Variants in MBD6 observed in about 807,000 individuals in gnomAD.
MBD6 encodes the protein methyl-CpG-binding domain protein 6.
A neutral mutation model predicts 66.8 loss-of-function variants in MBD6; 22 were observed. The ratio of observed to expected loss-of-function variants is 0.33; its 90% CI spans 0.24 to 0.47. The LOEUF (loss-of-function observed/expected upper bound fraction) is 0.47. Among genes scored for constraint, MBD6 ranks in the 20% least tolerant of loss-of-function variants. MBD6 has a pLI of 1.00. For synonymous variants in MBD6, 540 were observed against 534.6 expected (o/e 1.01, Z -0.14); for missense variants, 1,322 against 1,286.9 (o/e 1.03, Z -0.42).
Position 57,524,767 on chromosome 12 carries a change from TC to T in MBD6, c.163del (p.Leu55SerfsTer28), listed in dbSNP as rs1878735112. ...TCCTTGGAGCAAACCCGGAGCTACC[TC>T]CTCAGCGATGGGACCTGCAAGTGCG... is the stretch of plus-strand genomic sequence containing the variant. ...LSSLEQTRSY[L>X]LSDGTCKCGL... On this transcript the variant is annotated frameshift_variant, in exon 4 of 13. Coordinates refer to ENST00000355673, the MANE Select transcript of MBD6 (RefSeq NM_052897.4). LOFTEE classifies it high-confidence loss of function. The T allele has an allele frequency of 6.2e-7, 1 of 1,614,108 alleles. No homozygotes were observed. The highest frequency in any genetic ancestry group is 8.5e-7 in the Non-Finnish European group (1 of 1,180,050).
Position 57,529,210 on chromosome 12 carries a change from CAA to C in MBD6, c.2989_2990del (p.Lys997GlufsTer60). 6.2e-7 allele frequency: 1 copy of C among 1,614,140 alleles called. No individual in the cohort carries two copies. Among genetic ancestry groups the C allele is most frequent in the Non-Finnish European group, 8.5e-7 (1 of 1,180,012 alleles). ...RARPGRPAKN[K>X]RRKLAP ...CCCGCCCTGGCCGTCCTGCCAAAAA[CAA>C]GAGGAGGAAACTGGCCCCATAGCAG... On this transcript the variant is annotated frameshift_variant, in exon 13 of 13. Coordinates refer to ENST00000355673, the MANE Select transcript of MBD6 (RefSeq NM_052897.4). LOFTEE classifies it high-confidence loss of function.
At chr12:57,522,818 G>A (rs1373313522), upstream of MBD6, 1 of 153,810 alleles carries the variant, frequency 6.5e-6, no homozygotes, top group African/African-American at 2.4e-5. Flanking sequence ...GAATCCCCAG[G>A]GCTGCCCCTG....
At position 57,524,788 on chromosome 12, in the gene MBD6, A is replaced by G; in HGVS notation, c.182A>G (p.Lys61Arg). Residue 61 changes from lysine to arginine, a missense_variant, in exon 4 of 13, where the codon AAG (lysine) becomes AGG (arginine). Coordinates refer to ENST00000355673, the MANE Select transcript of MBD6 (RefSeq NM_052897.4). Reference sequence around the variant, plus strand: ...TACCTCCTCAGCGATGGGACCTGCAAGTGCGGTCTGGAGTGTCCACTTAAT... The same window carrying G: ...TACCTCCTCAGCGATGGGACCTGCAGGTGCGGTCTGGAGTGTCCACTTAAT... The part of the protein sequence containing the change: ...RSYLLSDGTC[K>R]CGLECPLNVP... 1 of 1,614,238 alleles carries G rather than the reference A, an allele frequency of 6.2e-7. No homozygotes were observed. Among genetic ancestry groups the G allele is most frequent in the Non-Finnish European group, 8.5e-7 (1 of 1,180,034 alleles).
rs1594853908 is a variant in MBD6, at chr12:57,524,051, C to T, written c.-66C>T. 1.5e-5 allele frequency: 5 copies of T among 323,776 alleles called. No homozygotes were observed. In the East Asian group the frequency reaches 2.5e-4, roughly 16 times the overall value. The allele number at this position is 323,776 out of a possible 1,614,324, so 20.1% of individuals were successfully genotyped here. A position where few individuals can be genotyped will look rare whatever the true frequency, so the allele number is the denominator to read the frequency against. ...CAGGTGTGGGCTAAGCTGGTGGCCCCGGCTTTAGACTGGACCCCACAATGT... is the reference window on the plus strand; with the variant it reads ...CAGGTGTGGGCTAAGCTGGTGGCCCTGGCTTTAGACTGGACCCCACAATGT... On this transcript the variant is annotated 5_prime_UTR_variant, in exon 2 of 13. Transcript: ENST00000355673.
In MBD6 at chr12:57,527,934, C is replaced by T. The variant is rs1879144417; in HGVS notation, c.2323C>T (p.Leu775=). The change falls in exon 9 of 13, where the codon CTG becomes TTG. Residue 775 remains leucine, a synonymous_variant. Coordinates refer to ENST00000355673, the MANE Select transcript of MBD6 (RefSeq NM_052897.4). ...CCCTCTTCTCTCTGGCCAGTTGGGG[C>T]TGCAGCTCCTCCCTGGGGGGGGAGC... ...PGPLLSGQLG[L]QLLPGGGAPP... is the part of the protein sequence containing the mutation. The T allele has an allele frequency of 1.2e-6, 2 of 1,607,542 alleles. No homozygotes were observed. The highest frequency in any genetic ancestry group is 1.3e-5 in the African/African-American group (1 of 74,484).
chr12:57,529,005 C>T lies in MBD6; in HGVS notation c.2933C>T (p.Ala978Val). The change falls in exon 12 of 13, where the codon GCC becomes GTC. Residue 978 changes from alanine to valine, a missense_variant. Transcript: ENST00000355673. ...ATTACCTTGGAACCCAGCCCTACAG[C>T]CCGAGTAAGTGTGTGTTTGGGTGGA... is the stretch of plus-strand genomic sequence containing the variant. ...QDITLEPSPTARAAVPLPPRA... is the reference protein window; with the variant it reads ...QDITLEPSPTVRAAVPLPPRA... The T allele has an allele frequency of 1.2e-6, 2 of 1,613,974 alleles. No homozygotes were observed. Among genetic ancestry groups the T allele is most frequent in the African/African-American group, 2.7e-5 (2 of 74,964 alleles).
At position 57,525,611 on chromosome 12, in the gene MBD6, C is replaced by G. The variant is rs770028929; in HGVS notation, c.643C>G (p.Pro215Ala). The G allele has an allele frequency of 6.2e-7, 1 of 1,613,206 alleles. No homozygotes were observed. Among genetic ancestry groups the G allele is most frequent in the African/African-American group, 1.3e-5 (1 of 74,836 alleles). The part of the protein sequence containing the change: ...PRGNAPSPAP[P>A]PPPAISLNAP... ...GGGCAATGCCCCCTCTCCAGCCCCA[C>G]CTCCTCCACCTGCTATCAGCCTCAA... Residue 215 changes from proline (P) to alanine (A), a missense_variant, in exon 6 of 13, where the codon CCT becomes GCT. Coordinates refer to ENST00000355673, the MANE Select transcript of MBD6 (RefSeq NM_052897.4).
Position 57,528,264 on chromosome 12 carries a change from G to C in MBD6, c.2524G>C (p.Asp842His), listed in dbSNP as rs751679624. 1 of 1,604,628 alleles carries C rather than the reference G, an allele frequency of 6.2e-7. No homozygotes were observed. Among genetic ancestry groups the C allele is most frequent in the East Asian group, 2.2e-5 (1 of 44,824 alleles). The change falls in exon 10 of 13, where the codon GAC (aspartate) becomes CAC (histidine). Residue 842 changes from aspartate to histidine, a missense_variant. Coordinates refer to ENST00000355673, the MANE Select transcript of MBD6 (RefSeq NM_052897.4). ...SALAPPHGSP[D>H]PPVPELLTGR... ...CTTAGCCCCACCCCATGGTTCTCCC[G>C]ACCCCCCAGTCCCTGAGCTGCTCAC...
chr12:57,524,008 ATC>A lies in MBD6; in HGVS notation c.-88-15_-88-14del. 4.0e-6 allele frequency: 1 copy of A among 248,352 alleles called. No individual in the cohort carries two copies. Among genetic ancestry groups the A allele is most frequent in the Non-Finnish European group, 7.7e-6 (1 of 129,312 alleles). 15.4% of individuals were successfully genotyped at this position (248,352 alleles called of 1,614,324 possible). On this transcript the variant is annotated intron_variant, in intron 1 of 12. Coordinates refer to ENST00000355673, the MANE Select transcript of MBD6 (RefSeq NM_052897.4). Reference sequence around the variant, plus strand: ...AGTTGGGCAGACTCCTGACAGTCCCATCTCTCTACTTGCGTTGCAGGTGTGGG... The same window carrying A: ...AGTTGGGCAGACTCCTGACAGTCCCATCTCTACTTGCGTTGCAGGTGTGGG...
rs1878826242 is a variant in MBD6 at position 57,525,508 on chromosome 12, C to T, written c.540C>T (p.Gly180=). 6.4e-7 allele frequency: 1 copy of T among 1,565,404 alleles called. No individual in the cohort carries two copies. Among genetic ancestry groups the T allele is most frequent in the African/African-American group, 1.4e-5 (1 of 73,204 alleles). Residue 180 remains glycine, a synonymous_variant, in exon 6 of 13, where the codon GGC becomes GGT. Coordinates refer to ENST00000355673, the MANE Select transcript of MBD6 (RefSeq NM_052897.4). Reference sequence around the variant, plus strand: ...CCCAGGCCTTTCCCACTCTAGCAGGCCCTGGGGGGCTTTTCCCCCCAAGGC... The same window carrying T: ...CCCAGGCCTTTCCCACTCTAGCAGGTCCTGGGGGGCTTTTCCCCCCAAGGC... ...SVSQAFPTLA[G]PGGLFPPRLA...
rs771245689 is a variant in MBD6 at position 57,525,621 on chromosome 12, C to A, written c.653C>A (p.Pro218His). The A allele has an allele frequency of 2.9e-5, 46 of 1,613,604 alleles. No homozygotes were observed. The highest frequency in any genetic ancestry group is 3.7e-5 in the Non-Finnish European group (44 of 1,179,804). The change falls in exon 6 of 13, where the codon CCT (proline) becomes CAT (histidine). Residue 218 changes from proline (P) to histidine (H), a missense_variant. Pro to His is a moderately conservative substitution (Grantham distance 77). Coordinates refer to ENST00000355673, the MANE Select transcript of MBD6 (RefSeq NM_052897.4). ...CCCTCTCCAGCCCCACCTCCTCCACCTGCTATCAGCCTCAATGCTCCCTCA... is the reference window on the plus strand; with the variant it reads ...CCCTCTCCAGCCCCACCTCCTCCACATGCTATCAGCCTCAATGCTCCCTCA... ...NAPSPAPPPP[P>H]AISLNAPSYN...
chr12:57,526,880 C>G lies in MBD6; in HGVS notation c.1735C>G (p.Pro579Ala), dbSNP rs762420782. Reference sequence around the variant, plus strand: ...ACCTCCCCCTGAGCCCCTGCTACCCCCACCAGGAGGACCTGGTCCTCCCCT... The same window carrying G: ...ACCTCCCCCTGAGCCCCTGCTACCCGCACCAGGAGGACCTGGTCCTCCCCT... ...GQPPPEPLLP[P>A]PGGPGPPLAP... The change falls in exon 7 of 13, where the codon CCA becomes GCA. Residue 579 changes from proline (P) to alanine (A), a missense_variant. Coordinates refer to ENST00000355673, the MANE Select transcript of MBD6 (RefSeq NM_052897.4). 1.2e-6 allele frequency: 2 copies of G among 1,613,494 alleles called. No homozygotes were observed. Among genetic ancestry groups the G allele is most frequent in the African/African-American group, 2.7e-5 (2 of 74,880 alleles).
At chr12:57,530,613 G>A (rs536952636), downstream of MBD6, 34 of 1,302,320 alleles carry the variant, frequency 2.6e-5, no homozygotes, top group Admixed American at 5.8e-4. Context: ...TTATAGTAAA[G>A]GGGAAACCCT....
At chr12:57,524,645 A>T in intron 3 of MBD6, 75 bp from the exon 4 acceptor site, 1 of 1,351,320 alleles carries the variant, frequency 7.4e-7, no homozygotes, top group Non-Finnish European at 1.1e-6. Context: ...TCTGTAACTT[A>T]AGCACTGTGC....
At chr12:57,524,906 C>T (rs1400536687) in intron 4 of MBD6, 47 bp from the exon 5 acceptor site, 1 of 1,605,934 alleles carries the variant, frequency 6.2e-7, no homozygotes, top group Non-Finnish European at 8.5e-7. Context: ...GCCCTTCTCA[C>T]AGGTTCCAGC....
At position 57,528,405 on chromosome 12, in the gene MBD6, CTG is replaced by C; in HGVS notation, c.2666_2667del (p.Leu889ArgfsTer27). ...TGGCAGCCGGCGGGAGCCTGGCCGA[CTG>C]GCCCTCAAATGGGGGACACGTGGTG... ...KPGSRREPGR[L>X]ALKWGTRGGF... On this transcript the variant is annotated frameshift_variant, in exon 10 of 13. Coordinates refer to ENST00000355673, the MANE Select transcript of MBD6 (RefSeq NM_052897.4). LOFTEE classifies it high-confidence loss of function. The C allele has an allele frequency of 6.2e-7, 1 of 1,613,160 alleles. No individual in the cohort carries two copies. Among genetic ancestry groups the C allele is most frequent in the Non-Finnish European group, 8.5e-7 (1 of 1,179,920 alleles).
In MBD6 at chr12:57,527,032, G is replaced by A. The variant is rs1449840145; in HGVS notation, c.1887G>A (p.Leu629=). The A allele has an allele frequency of 6.2e-7, 1 of 1,611,942 alleles. No individual in the cohort carries two copies. Among genetic ancestry groups the A allele is most frequent in the African/African-American group, 1.3e-5 (1 of 74,978 alleles). The change falls in exon 7 of 13, where the codon TTG becomes TTA. Residue 629 remains leucine (L), a synonymous_variant. Transcript: ENST00000355673. The part of the protein sequence containing the change: ...SNLLASFLPL[L]ALGPTAGDGE... ...TCCTTGCCTCTTTCCTGCCCCTGTTGGCTCTGGGCCCCACAGCTGGGGATG... is the reference window on the plus strand; with the variant it reads ...TCCTTGCCTCTTTCCTGCCCCTGTTAGCTCTGGGCCCCACAGCTGGGGATG...
downstream of MBD6, chr12:57,530,505 C>T: frequency 1.9e-6 from 1 of 516,702 alleles, no homozygotes; most frequent in Non-Finnish European, 3.4e-6. Flanking sequence ...GATAACCAAC[C>T]CCTAGCTACC....
chr12:57,526,667 C>T lies in MBD6; in HGVS notation c.1522C>T (p.Pro508Ser). ...GGGGATGGGGGCAGGCCCGGCCTGCCCTCTGCCTCCCCTGGCTGGTGGAGA... is the reference window on the plus strand; with the variant it reads ...GGGGATGGGGGCAGGCCCGGCCTGCTCTCTGCCTCCCCTGGCTGGTGGAGA... Reference protein sequence around the residue: ...GLGMGAGPACPLPPLAGGEAF... With the variant: ...GLGMGAGPACSLPPLAGGEAF... Residue 508 changes from proline to serine, a missense_variant, in exon 7 of 13, where the codon CCT becomes TCT. Pro to Ser is a moderately conservative substitution (Grantham distance 74, BLOSUM62 -1). Coordinates refer to ENST00000355673, the MANE Select transcript of MBD6 (RefSeq NM_052897.4). The T allele has an allele frequency of 6.6e-7, 1 of 1,522,442 alleles. No homozygotes were observed. The highest frequency in any genetic ancestry group is 1.4e-5 in the African/African-American group (1 of 71,788). 94.3% of individuals were successfully genotyped at this position (1,522,442 alleles called of 1,614,324 possible).
Sources: allele counts gnomAD v4.1 joint callset, GRCh38; gene constraint gnomAD v4.1.1; transcripts MANE v1.5; gene names NCBI Gene and HGNC (gene_info 2026-07-23, HGNC 2026-07-21).